The following FAM222B variants were observed in gnomAD, a reference collection of about 807,000 sequenced individuals.
FAM222B encodes the protein protein FAM222B.
A neutral mutation model predicts 38.0 loss-of-function variants in FAM222B; 12 were observed. The ratio of observed to expected loss-of-function variants is 0.32; its 90% CI spans 0.20 to 0.51. The LOEUF is 0.51. Ranked by LOEUF, FAM222B falls within the 20% of genes least tolerant of loss-of-function variation. The pLI is 0.97. For synonymous variants in FAM222B, 329 were observed against 317.2 expected (o/e 1.04, Z -0.40); for missense variants, 716 against 754.2 (o/e 0.95, Z 0.59).
chr17:28,838,257 T>C (rs1178193548), intron 1 of FAM222B, among the ~76,000 whole-genome samples: 6 of 151,956 alleles, frequency 3.9e-5, no homozygotes, highest in African/African-American at 9.7e-5. Context: ...CACTCCAGTC[T>C]GGGCGACAGA....
intron 1 of FAM222B, among the ~76,000 whole-genome samples, chr17:28,784,530 A>G (rs1289063065): frequency 2.2e-5 from 3 of 139,414 alleles, no homozygotes; most frequent in Non-Finnish European, 3.1e-5. Context: ...AAAAAAAAAA[A>G]AGGCAATAAT....
chr17:28,779,301 A>G (rs1190080214), intron 1 of FAM222B, among the ~76,000 whole-genome samples: 3 of 152,156 alleles, frequency 2.0e-5, no homozygotes, highest in Admixed American at 6.6e-5. Flanking sequence ...TAACAAACCA[A>G]ATTCAACAGC....
intron 1 of FAM222B, among the ~76,000 whole-genome samples, chr17:28,838,017 G>A (rs868347520): frequency 1.4e-4 from 21 of 151,840 alleles, no homozygotes; most frequent in Middle Eastern, 3.4e-3. Flanking sequence ...TGTAATCCCA[G>A]CACTTTGGGA....
chr17:28,765,930 C>T (rs1344681001), intron 2 of FAM222B, among the ~76,000 whole-genome samples: 1 of 152,122 alleles, frequency 6.6e-6, no homozygotes, highest in African/African-American at 2.4e-5. Context: ...TGGTAGACTA[C>T]TAAGAGAGTT....
In FAM222B at chr17:28,770,996, A is replaced by G. The variant is rs151131139; in HGVS notation, c.-40-4289T>C. Among the ~76,000 whole-genome samples the G allele has an allele frequency of 4.6e-4, 69 of 149,936 alleles. No individual in the cohort carries two copies. In the East Asian group the frequency reaches 0.012, roughly 25 times the overall value. On this transcript the variant is annotated intron_variant, in intron 1 of 2. Transcript: ENST00000581407. ...TGTGTGTGTATATATATGTGTGTGT[A>G]TATATATATATTTTTTCTTTTTTTT...
chr17:28,820,471 G>GT (rs2038169722), intron 1 of FAM222B, among the ~76,000 whole-genome samples: 1 of 152,128 alleles, frequency 6.6e-6, no homozygotes, highest in African/African-American at 2.4e-5. Flanking sequence ...AAGTTAAAAT[G>GT]TTTTTTCAGT....
intron 1 of FAM222B, among the ~76,000 whole-genome samples, chr17:28,768,133 A>AT (rs1301155193): frequency 1.3e-5 from 2 of 152,188 alleles, no homozygotes; most frequent in African/African-American, 4.8e-5. Flanking sequence ...CAGAAATACG[A>AT]TTTTCCTAAA....
At chr17:28,830,161 C>CTTTTTTTTTTT (rs58480451) in intron 1 of FAM222B, among the ~76,000 whole-genome samples, 2 of 101,520 alleles carry the variant, frequency 2.0e-5, no homozygotes, top group African/African-American at 4.2e-5. Flanking sequence ...TTTATACATT[C>CTTTTTTTTTTT]TTTTTTTTTT....
chr17:28,797,638 C>T (rs1157948644), intron 1 of FAM222B, among the ~76,000 whole-genome samples: 2 of 152,156 alleles, frequency 1.3e-5, no homozygotes, highest in African/African-American at 2.4e-5. Context: ...AGGTCATTAA[C>T]AATATCTTAC....
chr17:28,834,032 A>G (rs2038757379), intron 1 of FAM222B, among the ~76,000 whole-genome samples: 1 of 152,180 alleles, frequency 6.6e-6, no homozygotes, highest in Admixed American at 6.6e-5. Context: ...TTTCAACTCC[A>G]TCTTTGACAA....
At position 28,759,733 on chromosome 17, in the gene FAM222B, G is replaced by A. The variant is rs769108529; in HGVS notation, c.226C>T (p.Arg76Cys). The part of the protein sequence containing the change: ...VKVPQRKHVR[R>C]TVNGLDTSAQ... ...GATGTGTCGAGGCCGTTCACAGTACGACGAACGTGTTTCCGCTGGGGAACC... is the reference window on the plus strand; with the variant it reads ...GATGTGTCGAGGCCGTTCACAGTACAACGAACGTGTTTCCGCTGGGGAACC... Residue 76 changes from arginine (R) to cysteine (C), a missense_variant, in exon 3 of 3, where the codon CGT becomes TGT. Coordinates refer to ENST00000581407, the MANE Select transcript of FAM222B (RefSeq NM_001077498.3). The surrounding 1 kb of genome is among the most constrained non-coding windows in gnomAD (Gnocchi z 4.8). The A allele has an allele frequency of 9.9e-6, 16 of 1,613,786 alleles. No individual in the cohort carries two copies. The highest frequency in any genetic ancestry group is 4.4e-5 in the South Asian group (4 of 91,016).
intron 1 of FAM222B, among the ~76,000 whole-genome samples, chr17:28,847,866 A>T (rs1385854955): frequency 6.6e-6 from 1 of 151,638 alleles, no homozygotes; most frequent in Non-Finnish European, 1.5e-5. Flanking sequence ...GTGAGCCGAG[A>T]TAGCGCCACT....
intron 1 of FAM222B, among the ~76,000 whole-genome samples, chr17:28,793,986 T>A (rs1351920052): frequency 6.6e-6 from 1 of 152,056 alleles, no homozygotes; most frequent in Non-Finnish European, 1.5e-5. Flanking sequence ...CGACCTCAGG[T>A]AATCTGCCTG....
intron 1 of FAM222B, among the ~76,000 whole-genome samples, chr17:28,786,374 T>A (rs989177366): frequency 2.0e-5 from 3 of 152,108 alleles, no homozygotes; most frequent in Non-Finnish European, 4.4e-5. Context: ...CTTGAAGTGG[T>A]CAGACTTTTA....
intron 1 of FAM222B, among the ~76,000 whole-genome samples, chr17:28,854,683 A>G (rs1474763986): frequency 6.6e-6 from 1 of 152,018 alleles, no homozygotes; most frequent in Non-Finnish European, 1.5e-5. Flanking sequence ...CACTCCCACA[A>G]CCATTCCTCC....
chr17:28,791,208 CA>C (rs1337012407), intron 1 of FAM222B, among the ~76,000 whole-genome samples: 1 of 151,660 alleles, frequency 6.6e-6, no homozygotes, highest in Non-Finnish European at 1.5e-5. Flanking sequence ...TGTGCCTGGA[CA>C]AATTTTTTTA....
At chr17:28,817,673 T>C (rs1022453267) in intron 1 of FAM222B, among the ~76,000 whole-genome samples, 2 of 152,058 alleles carry the variant, frequency 1.3e-5, no homozygotes, top group Non-Finnish European at 2.9e-5. Flanking sequence ...GAGCTGAGAT[T>C]GTGCCATTGC....
chr17:28,826,028 C>T (rs1371158764), intron 1 of FAM222B, among the ~76,000 whole-genome samples: 2 of 152,052 alleles, frequency 1.3e-5, no homozygotes, highest in East Asian at 3.9e-4. Flanking sequence ...CCCACCTCGG[C>T]CTCCCAAAGT....
intron 1 of FAM222B, among the ~76,000 whole-genome samples, chr17:28,852,654 T>TA (rs1263974057): frequency 6.6e-6 from 1 of 151,776 alleles, no homozygotes; most frequent in Admixed American, 6.6e-5. Context: ...ATTTTCCTCT[T>TA]AAAAAAGAAA....
Sources: allele counts gnomAD v4.1 joint callset (sites outside exome capture counted in the v4.1 genomes callset), GRCh38; gene constraint gnomAD v4.1.1; non-coding constraint Gnocchi (gnomAD v3.1); transcripts MANE v1.5; gene names NCBI Gene and HGNC (gene_info 2026-07-23, HGNC 2026-07-21).